The following TNFSF4 variants were observed in gnomAD, a reference collection of about 807,000 sequenced individuals.
TNFSF4 encodes TNF superfamily member 4, also known as tumor necrosis factor ligand superfamily member 4.
TNFSF4 carries 4 observed loss-of-function variants against 7.3 expected under a neutral mutation model. That is an observed-to-expected ratio of 0.55 (90% CI 0.27 to 1.25). The LOEUF (loss-of-function observed/expected upper bound fraction) is 1.25, where lower values mean the gene tolerates loss of function less well. Among genes scored for constraint, TNFSF4 ranks in the 50% most tolerant of loss-of-function variants. The pLI is 0.12. For synonymous variants in TNFSF4, 76 were observed against 83.7 expected, an observed-to-expected ratio of 0.91 and a Z score of 0.50; for missense variants, 181 against 208.8, an observed-to-expected ratio of 0.87 and a Z score of 0.82.
At chr1:173,335,315 G>A in the TNFSF4 span, among the ~76,000 whole-genome samples, 2 of 152,166 alleles carry the variant, frequency 1.3e-5, no homozygotes, top group African/African-American at 4.8e-5. Context: ...GGCTCTAGAA[G>A]GCACATCTTG....
chr1:173,301,482 A>C, the TNFSF4 span, among the ~76,000 whole-genome samples: 1 of 151,940 alleles, frequency 6.6e-6, no homozygotes, highest in African/African-American at 2.4e-5. Flanking sequence ...AGTGCCTGGC[A>C]CATAAGAGCA....
At chr1:173,412,395 C>T in the TNFSF4 span, among the ~76,000 whole-genome samples, 4 of 152,164 alleles carry the variant, frequency 2.6e-5, no homozygotes, top group African/African-American at 7.2e-5. Context: ...CATTAACTTG[C>T]GCATGATCTC....
chr1:173,290,541 A>G, the TNFSF4 span, among the ~76,000 whole-genome samples: 77 of 152,210 alleles, frequency 5.1e-4, no homozygotes, highest in Non-Finnish European at 7.2e-4. Flanking sequence ...AGAAGACTTA[A>G]CCATTTTAAG....
chr1:173,248,879 A>G, the TNFSF4 span, among the ~76,000 whole-genome samples: 5 of 152,178 alleles, frequency 3.3e-5, no homozygotes, highest in African/African-American at 1.2e-4. Flanking sequence ...AATCTACTTG[A>G]TTATTTTTTA....
the TNFSF4 span, among the ~76,000 whole-genome samples, chr1:173,385,025 T>C: frequency 6.6e-6 from 1 of 152,236 alleles, no homozygotes; most frequent in Non-Finnish European, 1.5e-5. Context: ...CAAACAGGAC[T>C]CTAGTACTAA....
At chr1:173,244,655 A>C in the TNFSF4 span, among the ~76,000 whole-genome samples, 3 of 142,448 alleles carry the variant, frequency 2.1e-5, no homozygotes, top group African/African-American at 8.6e-5. Context: ...AAAAAACAAA[A>C]AACAAAAAAA....
chr1:173,225,991 T>C, the TNFSF4 span, among the ~76,000 whole-genome samples: 1 of 152,234 alleles, frequency 6.6e-6, no homozygotes, highest in Admixed American at 6.5e-5. Flanking sequence ...TTTTATTCAT[T>C]TTTAAAAATA....
the TNFSF4 span, among the ~76,000 whole-genome samples, chr1:173,377,859 T>G: frequency 6.6e-6 from 1 of 152,182 alleles, no homozygotes; most frequent in Non-Finnish European, 1.5e-5. Context: ...GACAAAAGGC[T>G]TCACTCTTCC....
chr1:173,375,024 C>T, the TNFSF4 span, among the ~76,000 whole-genome samples: 7 of 152,188 alleles, frequency 4.6e-5, no homozygotes, highest in Non-Finnish European at 7.4e-5. Flanking sequence ...TCTCCAAAAC[C>T]GCTGAGGCCT....
the TNFSF4 span, among the ~76,000 whole-genome samples, chr1:173,338,677 C>T: frequency 6.6e-6 from 1 of 152,126 alleles, no homozygotes; most frequent in Non-Finnish European, 1.5e-5. Flanking sequence ...GGGAGTGGCA[C>T]CACTCACTAT....
At chr1:173,371,388 G>A in the TNFSF4 span, among the ~76,000 whole-genome samples, 6 of 152,152 alleles carry the variant, frequency 3.9e-5, no homozygotes, top group South Asian at 2.1e-4. Flanking sequence ...ATATGAATAT[G>A]AGGAAAAAGT....
the TNFSF4 span, among the ~76,000 whole-genome samples, chr1:173,446,714 CCTG>C: frequency 6.6e-6 from 1 of 152,172 alleles, no homozygotes; most frequent in East Asian, 1.9e-4. Flanking sequence ...ATCTTTCTCC[CCTG>C]CTGGATGCTT....
the TNFSF4 span, among the ~76,000 whole-genome samples, chr1:173,286,864 A>C: frequency 2.6e-5 from 4 of 152,200 alleles, no homozygotes; most frequent in African/African-American, 9.6e-5. Context: ...ATTATTTAGA[A>C]TATATCTTCA....
chr1:173,294,545 C>T, the TNFSF4 span, among the ~76,000 whole-genome samples: 6 of 151,938 alleles, frequency 3.9e-5, no homozygotes, highest in African/African-American at 1.2e-4. Context: ...ACCTCCACAA[C>T]ATATATTTAT....
chr1:173,272,236 C>A, the TNFSF4 span, among the ~76,000 whole-genome samples: 1 of 151,974 alleles, frequency 6.6e-6, no homozygotes, highest in Non-Finnish European at 1.5e-5. Flanking sequence ...GGAGAAATAC[C>A]TAATGTAAAT....
chr1:173,206,685 C>G (rs1650206913), intron 1 of TNFSF4, among the ~76,000 whole-genome samples: 1 of 152,152 alleles, frequency 6.6e-6, no homozygotes, highest in Non-Finnish European at 1.5e-5. Context: ...AAACACATTA[C>G]TATCACAATG....
At chr1:173,326,094 G>T in the TNFSF4 span, among the ~76,000 whole-genome samples, 1 of 152,164 alleles carries the variant, frequency 6.6e-6, no homozygotes, top group Non-Finnish European at 1.5e-5. Flanking sequence ...TATCCTTGAT[G>T]AACATTGATG....
the TNFSF4 span, among the ~76,000 whole-genome samples, chr1:173,305,660 T>C: frequency 6.6e-6 from 1 of 151,686 alleles, no homozygotes; most frequent in East Asian, 2.0e-4. Flanking sequence ...TTTATACTGC[T>C]ATAAAGATAT....
chr1:173,186,893 A>G, intron 2 of TNFSF4, 28 bp from the exon 3 acceptor site: 1 of 1,480,998 alleles, frequency 6.8e-7, no homozygotes, highest in Non-Finnish European at 9.2e-7. Context: ...AAATTTGTTT[A>G]ATTAATTCCT....
Sources: gnomAD v4.1 joint callset for allele counts (sites outside exome capture counted in the v4.1 genomes callset) on GRCh38, gnomAD v4.1.1 for gene constraint, MANE v1.5 for transcripts, NCBI Gene and HGNC (gene_info 2026-07-23, HGNC 2026-07-21) for gene names.